The following NTM variants were observed in gnomAD, a reference collection of about 807,000 sequenced individuals.
NTM encodes the protein IgLON family member 2.
Under a neutral mutation model 42.1 loss-of-function variants are expected in NTM, and 13 were observed. That is an observed-to-expected ratio of 0.31 (90% confidence interval 0.20 to 0.49). NTM has a LOEUF of 0.49. Among genes scored for constraint, NTM ranks in the 20% least tolerant of loss-of-function variants. NTM has a pLI of 0.99. For synonymous variants in NTM, 187 were observed against 179.2 expected (o/e 1.04, Z -0.35); for missense variants, 373 against 452.8 (o/e 0.82, Z 1.60).
At chr11:132,214,757 G>A (rs960681140) in intron 4 of NTM, among the ~76,000 whole-genome samples, 1 of 152,054 alleles carries the variant, frequency 6.6e-6, no homozygotes, top group Non-Finnish European at 1.5e-5. Context: ...CCTGAGCCTG[G>A]GCCAGGTGTC....
intron 1 of NTM, among the ~76,000 whole-genome samples, chr11:131,865,269 C>A (rs149735657): frequency 6.6e-6 from 1 of 152,196 alleles, no homozygotes; most frequent in Non-Finnish European, 1.5e-5. Context: ...GATCCCAAAG[C>A]CTGTTTTACT....
chr11:131,627,314 T>A (rs1384523513), intron 1 of NTM, among the ~76,000 whole-genome samples: 1 of 151,556 alleles, frequency 6.6e-6, no homozygotes, highest in Non-Finnish European at 1.5e-5. Flanking sequence ...AGCAGAGGAA[T>A]GTCTGAGGTA....
intron 1 of NTM, among the ~76,000 whole-genome samples, chr11:131,526,915 A>G (rs2050566312): frequency 6.6e-6 from 1 of 152,248 alleles, no homozygotes; most frequent in Non-Finnish European, 1.5e-5. Context: ...AGACCCTTCG[A>G]TTTTTGAAGT....
intron 1 of NTM, among the ~76,000 whole-genome samples, chr11:131,816,264 A>G (rs1356555738): frequency 6.6e-6 from 1 of 152,080 alleles, no homozygotes; most frequent in African/African-American, 2.4e-5. Context: ...AACAATCCTG[A>G]CTCAGTATGC....
At chr11:131,653,799 T>C (rs971583693) in intron 1 of NTM, among the ~76,000 whole-genome samples, 13 of 152,016 alleles carry the variant, frequency 8.6e-5, no homozygotes, top group Admixed American at 2.0e-4. Context: ...TTTGGAGGAG[T>C]GGCTTTCGGA....
At chr11:132,313,245 C>T (rs2095330599) in intron 6 of NTM, among the ~76,000 whole-genome samples, 1 of 152,048 alleles carries the variant, frequency 6.6e-6, no homozygotes, top group African/African-American at 2.4e-5. Context: ...ATACTGATGC[C>T]ATTGTGCGGT....
intron 3 of NTM, among the ~76,000 whole-genome samples, chr11:132,167,981 T>A (rs2075541533): frequency 6.6e-6 from 1 of 152,240 alleles, no homozygotes. Context: ...GAGTGCAGTG[T>A]GGAGAACTAT....
chr11:131,555,781 C>T (rs578191408), intron 1 of NTM, among the ~76,000 whole-genome samples: 10 of 152,096 alleles, frequency 6.6e-5, no homozygotes, highest in Admixed American at 2.0e-4. Context: ...ATGACAACCC[C>T]GTGGGGCACA....
At chr11:132,103,989 T>C (rs959049251) in intron 2 of NTM, among the ~76,000 whole-genome samples, 9 of 152,232 alleles carry the variant, frequency 5.9e-5, no homozygotes, top group Non-Finnish European at 1.2e-4. Context: ...CATTTGAAGT[T>C]ATGCGTATGG....
chr11:131,982,861 A>G (rs561961692), intron 2 of NTM, among the ~76,000 whole-genome samples: 32 of 152,304 alleles, frequency 2.1e-4, no homozygotes, highest in African/African-American at 7.7e-4. Context: ...ACACAAAGAA[A>G]GGACCTGGTC....
chr11:132,137,449 C>G (rs1276238522), intron 2 of NTM, among the ~76,000 whole-genome samples: 3 of 152,332 alleles, frequency 2.0e-5, no homozygotes, highest in Middle Eastern at 6.8e-3. Flanking sequence ...TTTTGGTTCC[C>G]TGCCTGCTCT....
chr11:132,080,153 T>C (rs1179595947), intron 2 of NTM, among the ~76,000 whole-genome samples: 1 of 151,638 alleles, frequency 6.6e-6, no homozygotes. Flanking sequence ...GAAGAGTCAT[T>C]ATGAAACTCA....
intron 2 of NTM, among the ~76,000 whole-genome samples, chr11:132,128,533 C>T (rs1321995380): frequency 3.9e-5 from 6 of 151,930 alleles, no homozygotes; most frequent in Admixed American, 3.3e-4. Flanking sequence ...GAAACAGGAG[C>T]CTCAAAGAAT....
At chr11:132,149,368 A>T (rs2071349427) in intron 3 of NTM, among the ~76,000 whole-genome samples, 1 of 152,192 alleles carries the variant, frequency 6.6e-6, no homozygotes, top group East Asian at 1.9e-4. Context: ...CTGGAATAAA[A>T]GTTGGGCATA....
chr11:132,288,239 G>A (rs111994407), intron 4 of NTM, among the ~76,000 whole-genome samples: 17 of 152,244 alleles, frequency 1.1e-4, no homozygotes, highest in African/African-American at 2.6e-4. Flanking sequence ...GCCAAGACAC[G>A]TGCAGGCTTA....
chr11:132,004,058 C>T (rs2070112535), intron 2 of NTM, among the ~76,000 whole-genome samples: 1 of 152,028 alleles, frequency 6.6e-6, no homozygotes, highest in Non-Finnish European at 1.5e-5. Context: ...TGCCTTCAAC[C>T]TAGATATAAA....
intron 4 of NTM, among the ~76,000 whole-genome samples, chr11:132,219,464 T>C (rs974321528): frequency 7.9e-5 from 12 of 152,098 alleles, no homozygotes; most frequent in Admixed American, 6.6e-4. Context: ...ACTGTAGATG[T>C]AGTTTTCAGT....
intron 2 of NTM, chr11:131,922,296 T>C (rs1366439227): frequency 6.5e-6 from 1 of 152,678 alleles, no homozygotes; most frequent in African/African-American, 2.4e-5. Context: ...CTCTGCCCCT[T>C]CCTTGCCGTG....
At chr11:131,572,405 A>G (rs2057530356) in intron 1 of NTM, among the ~76,000 whole-genome samples, 1 of 152,302 alleles carries the variant, frequency 6.6e-6, no homozygotes, top group South Asian at 2.1e-4. Flanking sequence ...TAAAAGAACC[A>G]AAACTGGACC....
Sources: allele counts gnomAD v4.1 joint callset (sites outside exome capture counted in the v4.1 genomes callset), GRCh38; gene constraint gnomAD v4.1.1; transcripts MANE v1.5; gene names NCBI Gene and HGNC (gene_info 2026-07-23, HGNC 2026-07-21).